The following NFYA variants were observed in gnomAD, a reference collection of about 807,000 sequenced individuals.
NFYA encodes the protein nuclear transcription factor Y subunit alpha.
A neutral mutation model predicts 52.8 loss-of-function variants in NFYA; 28 were observed. That is an observed-to-expected ratio of 0.53 (90% CI 0.39 to 0.73). NFYA has a LOEUF of 0.73. NFYA is among the 30% of genes least tolerant of loss of function. The probability of loss-of-function intolerance (pLI) is 0.00; values close to 1 mark genes in which losing one functional copy is unlikely to be tolerated. For missense variants in NFYA, 234 were observed against 427.0 expected (o/e 0.55, Z 3.98); for synonymous variants, 150 against 150.7 (o/e 1.00, Z 0.03).
chr6:41,096,169 A>T (rs1487273737), intron 9 of NFYA, among the ~76,000 whole-genome samples: 1 of 152,154 alleles, frequency 6.6e-6, no homozygotes, highest in African/African-American at 2.4e-5. Flanking sequence ...CAAATCTCAA[A>T]CTATTTCTGT....
chr6:41,091,786 A>C, intron 7 of NFYA, 92 bp downstream of exon 7: 1 of 1,405,042 alleles, frequency 7.1e-7, no homozygotes. Flanking sequence ...ACCTCTTGGG[A>C]TTGAGATCGA....
chr6:41,101,054 T>A lies in NFYA; in HGVS notation c.*3644T>A, dbSNP rs1181837668. ...CCGGCGAGCGGCATGCGACGCCGCC[T>A]CTGTGGCCTGTGGAGGCCCGCTTGG... On this transcript the variant is annotated 3_prime_UTR_variant, in exon 10 of 10. Coordinates refer to ENST00000341376, the MANE Select transcript of NFYA (RefSeq NM_002505.5). The A allele has an allele frequency of 6.6e-6, 1 of 152,262 alleles. No individual in the cohort carries two copies. The highest frequency in any genetic ancestry group is 1.5e-5 in the Non-Finnish European group (1 of 68,066). The allele number at this position is 152,262 out of a possible 1,614,324, so 9.4% of individuals were successfully genotyped here. A position where few individuals can be genotyped will look rare whatever the true frequency, so the allele number is the denominator to read the frequency against.
At chr6:41,088,584 T>C (rs1764112259) in intron 4 of NFYA, among the ~76,000 whole-genome samples, 1 of 152,032 alleles carries the variant, frequency 6.6e-6, no homozygotes, top group South Asian at 2.1e-4. Context: ...TTTGGGTTTT[T>C]TCTTTGTTTG....
Position 41,097,450 on chromosome 6 carries a change from T to C in NFYA, c.*40T>C, listed in dbSNP as rs375098330. On this transcript the variant is annotated 3_prime_UTR_variant, in exon 10 of 10. Transcript: ENST00000341376. ...ATGGAGCTGATCAAGGTCATGTTTC[T>C]CACTGTTCCAGGAAATTGATCAACT... is the stretch of plus-strand genomic sequence containing the variant. 3.1e-6 allele frequency: 5 copies of C among 1,602,818 alleles called. No individual in the cohort carries two copies. In the African/African-American group the frequency reaches 5.3e-5, roughly 17 times the overall value.
Position 41,097,374 on chromosome 6 carries a change from T to G in NFYA, c.1008T>G (p.Asp336Glu). 1 of 1,614,038 alleles carries G rather than the reference T, an allele frequency of 6.2e-7. No homozygotes were observed. Among genetic ancestry groups the G allele is most frequent in the Non-Finnish European group, 8.5e-7 (1 of 1,179,916 alleles). Residue 336 changes from aspartate to glutamate, a missense_variant, in exon 10 of 10, where the codon GAT (aspartate) becomes GAG (glutamate). Around this residue, in one of 3 missense-constraint regions of NFYA, gnomAD observed 35 missense variants for 34.2 expected, o/e 1.02. Transcript: ENST00000341376. ...SPHMQDPNQADEEAMTQIIRV... is the reference protein window; with the variant it reads ...SPHMQDPNQAEEEAMTQIIRV... ...GTCTCTAGGATCCAAACCAAGCCGA[T>G]GAAGAAGCAATGACACAGATCATCC...
rs149588205 is a variant in NFYA at position 41,080,644 on chromosome 6, C to T, written c.76-167C>T. On this transcript the variant is annotated intron_variant, in intron 2 of 9. Transcript: ENST00000341376. ...CACTCTGGAGACAAAGGGCTAATAT[C>T]TTTAATCCTACTACCTTCAACAAAA... Among the ~76,000 whole-genome samples, 25 of 152,328 alleles carry T rather than the reference C, an allele frequency of 1.6e-4. No individual in the cohort carries two copies. In the East Asian group the frequency reaches 4.8e-3, roughly 29 times the overall value.
At chr6:41,096,059 T>C (rs796172548) in intron 9 of NFYA, among the ~76,000 whole-genome samples, 4 of 152,310 alleles carry the variant, frequency 2.6e-5, no homozygotes, top group African/African-American at 9.6e-5. Flanking sequence ...ATTGGCCTTA[T>C]ATAGTACTTA....
Position 41,093,606 on chromosome 6 carries a change from G to C in NFYA, c.888+521G>C, listed in dbSNP as rs953729837. On this transcript the variant is annotated intron_variant, in intron 8 of 9. Transcript: ENST00000341376. ...CTGCCTCAGCCTCCTGAGTAGCTGG[G>C]ATTACAGGTGTGCGCCACCACGCCC... Among the ~76,000 whole-genome samples, 8 of 152,120 alleles carry C rather than the reference G, an allele frequency of 5.3e-5. 1 individual carries two copies. The East Asian group carries it at 1.2e-3, about 22-fold the overall frequency.
At chr6:41,090,054 G>T in intron 5 of NFYA, 150 bp from the exon 6 acceptor site, 1 of 564,204 alleles carries the variant, frequency 1.8e-6, no homozygotes, top group Non-Finnish European at 3.1e-6. Flanking sequence ...AGGTTGCAGT[G>T]AGCTGAGATT....
rs1385043799 is a variant in NFYA, at chr6:41,089,632, G to A, written c.363G>A (p.Gln121=). ...AGATCCAGGGTGGACAGGCTGTGCA[G>A]GTGCAGGGCCAGCAGGGCCAGACCC... ...QIQIQGGQAV[Q]VQGQQGQTQQ... is the part of the protein sequence containing the mutation. The change falls in exon 5 of 10, where the codon CAG becomes CAA. Residue 121 remains glutamine (Q), a synonymous_variant. Coordinates refer to ENST00000341376, the MANE Select transcript of NFYA (RefSeq NM_002505.5). The A allele has an allele frequency of 6.2e-7, 1 of 1,612,752 alleles. No individual in the cohort carries two copies. Among genetic ancestry groups the A allele is most frequent in the Non-Finnish European group, 8.5e-7 (1 of 1,180,006 alleles).
intron 1 of NFYA, among the ~76,000 whole-genome samples, chr6:41,076,269 C>G (rs1018220609): frequency 1.3e-5 from 2 of 152,088 alleles, no homozygotes; most frequent in Non-Finnish European, 2.9e-5. Flanking sequence ...ATAGAAAATA[C>G]CAAAGTGCAT....
At chr6:41,087,694 T>G (rs1341926247) in intron 4 of NFYA, among the ~76,000 whole-genome samples, 1 of 152,052 alleles carries the variant, frequency 6.6e-6, no homozygotes, top group East Asian at 1.9e-4. Context: ...GGGGCTCTCC[T>G]CACTGCTTTC....
intron 6 of NFYA, 66 bp from the exon 7 acceptor site, chr6:41,091,462 C>T: frequency 6.6e-7 from 1 of 1,509,632 alleles, no homozygotes; most frequent in Non-Finnish European, 9.1e-7. Context: ...GAGGGACTAA[C>T]TATGTTCCCT....
Position 41,100,649 on chromosome 6 carries a change from G to A in NFYA, c.*3239G>A, listed in dbSNP as rs1376133771. On this transcript the variant is annotated 3_prime_UTR_variant, in exon 10 of 10. Transcript: ENST00000341376. ...GAGTTTGGCTTAGATTTATGCCAGT[G>A]GAACCTGTCCTTACCAAATTCAGAG... 6.6e-6 allele frequency among the ~76,000 whole-genome samples: 1 copy of A among 152,206 alleles called. No individual in the cohort carries two copies. The highest frequency in any genetic ancestry group is 1.5e-5 in the Non-Finnish European group (1 of 68,038).
chr6:41,074,355 C>T (rs143035660), intron 1 of NFYA, among the ~76,000 whole-genome samples: 32 of 152,212 alleles, frequency 2.1e-4, no homozygotes, highest in Non-Finnish European at 4.0e-4. Context: ...GGAGGGAGTA[C>T]GTAGAGGTCA....
chr6:41,101,189 C>A lies in NFYA; in HGVS notation c.*3779C>A, dbSNP rs1303073476. ...GCGTCCATGTGACGGGTGAGGGCGA[C>A]GGCCGGCACTTGCACTTAAGTCTCC... On this transcript the variant is annotated 3_prime_UTR_variant, in exon 10 of 10. Transcript: ENST00000341376. The A allele has an allele frequency of 6.6e-6, 1 of 152,286 alleles. No homozygotes were observed. The highest frequency in any genetic ancestry group is 2.1e-4 in the South Asian group (1 of 4,834). 9.4% of individuals were successfully genotyped at this position (152,286 alleles called of 1,614,324 possible).
intron 9 of NFYA, among the ~76,000 whole-genome samples, chr6:41,096,840 T>G (rs1764370739): frequency 6.6e-6 from 1 of 152,248 alleles, no homozygotes; most frequent in Non-Finnish European, 1.5e-5. Context: ...GACTCCTAAC[T>G]TTCTGACCCT....
Position 41,101,123 on chromosome 6 carries a change from A to T in NFYA, c.*3713A>T, listed in dbSNP as rs1348228980. 2 of 152,132 alleles carry T rather than the reference A, an allele frequency of 1.3e-5. No homozygotes were observed. The highest frequency in any genetic ancestry group is 2.9e-5 in the Non-Finnish European group (2 of 68,026). The allele number at this position is 152,132 out of a possible 1,614,324, so 9.4% of individuals were successfully genotyped here. A position where few individuals can be genotyped will look rare whatever the true frequency, so the allele number is the denominator to read the frequency against. ...TACTGGTCTTTCGGAAGCCTCGGGGATGGGAACCCGAGCTCGCCACGGCCC... is the reference window on the plus strand; with the variant it reads ...TACTGGTCTTTCGGAAGCCTCGGGGTTGGGAACCCGAGCTCGCCACGGCCC... On this transcript the variant is annotated 3_prime_UTR_variant, in exon 10 of 10. Coordinates refer to ENST00000341376, the MANE Select transcript of NFYA (RefSeq NM_002505.5).
chr6:41,082,385 G>C (rs547498138), intron 3 of NFYA, among the ~76,000 whole-genome samples: 47 of 152,184 alleles, frequency 3.1e-4, no homozygotes, highest in Non-Finnish European at 4.6e-4. Flanking sequence ...ACCCCTTGTG[G>C]AATAGGAATG....
Sources: gnomAD v4.1 joint callset for allele counts (sites outside exome capture counted in the v4.1 genomes callset) on GRCh38, gnomAD v4.1.1 for gene constraint, gnomAD v4.1.1 regional missense constraint, MANE v1.5 for transcripts, NCBI Gene and HGNC (gene_info 2026-07-23, HGNC 2026-07-21) for gene names.